The following IFNB1 variants were observed in gnomAD, a reference collection of about 807,000 sequenced individuals.
The protein encoded by IFNB1 is interferon beta 1, also known as interferon beta.
For synonymous variants in IFNB1, 99 were observed against 80.4 expected, an observed-to-expected ratio of 1.23 and a Z score of -1.24; for missense variants, 267 against 210.5, an observed-to-expected ratio of 1.27 and a Z score of -1.66.
Position 21,077,715 on chromosome 9 carries a change from C to G in IFNB1, c.155G>C (p.Cys52Ser). 6.2e-7 allele frequency: 1 copy of G among 1,613,946 alleles called. No homozygotes were observed. The highest frequency in any genetic ancestry group is 1.1e-5 in the South Asian group (1 of 91,082). The change falls in exon 1 of 1, where the codon TGC becomes TCC. Residue 52 changes from cysteine (C) to serine (S), a missense_variant. Coordinates refer to ENST00000380232, the MANE Select transcript of IFNB1 (RefSeq NM_002176.4). ...LWQLNGRLEYCLKDRMNFDIP... is the reference protein window; with the variant it reads ...LWQLNGRLEYSLKDRMNFDIP... ...GTCAAAGTTCATCCTGTCCTTGAGG[C>G]AGTATTCAAGCCTCCCATTCAATTG... is the stretch of plus-strand genomic sequence containing the variant.
rs1400833904 is a variant in IFNB1 at position 21,077,298 on chromosome 9, G to A, written c.*8C>T. 1 of 1,592,386 alleles carries A rather than the reference G, an allele frequency of 6.3e-7. No homozygotes were observed. Among genetic ancestry groups the A allele is most frequent in the Non-Finnish European group, 8.6e-7 (1 of 1,164,304 alleles). On this transcript the variant is annotated 3_prime_UTR_variant, in exon 1 of 1. Coordinates refer to ENST00000380232, the MANE Select transcript of IFNB1 (RefSeq NM_002176.4). ...TGTCCAGTCCCAGAGGCACAGGCTAGGAGATCTTCAGTTTCGGAGGTAACC... is the reference window on the plus strand; with the variant it reads ...TGTCCAGTCCCAGAGGCACAGGCTAAGAGATCTTCAGTTTCGGAGGTAACC...
Position 21,077,465 on chromosome 9 carries a change from T to A in IFNB1, c.405A>T (p.Gly135=). The A allele has an allele frequency of 6.2e-7, 1 of 1,614,028 alleles. No individual in the cohort carries two copies. Among genetic ancestry groups the A allele is most frequent in the Non-Finnish European group, 8.5e-7 (1 of 1,179,910 alleles). Residue 135 remains glycine, a synonymous_variant, in exon 1 of 1, where the codon GGA becomes GGT. Coordinates refer to ENST00000380232, the MANE Select transcript of IFNB1 (RefSeq NM_002176.4). ...TCAGGTGCAGACTGCTCATGAGTTT[T>A]CCCCTGGTGAAATCTTCTTTCTCCA... ...EKLEKEDFTR[G]KLMSSLHLKR... is the part of the protein sequence containing the mutation.
Position 21,077,784 on chromosome 9 carries a change from A to C in IFNB1, c.86T>G (p.Phe29Cys). 6.2e-7 allele frequency: 1 copy of C among 1,613,858 alleles called. No individual in the cohort carries two copies. Among genetic ancestry groups the C allele is most frequent in the Non-Finnish European group, 8.5e-7 (1 of 1,179,858 alleles). ...CTGAAAATTGCTGCTTCTTTGTAGG[A>C]ATCCAAGCAAGTTGTAGCTCATGGA... ...ALSMSYNLLG[F>C]LQRSSNFQCQ... The change falls in exon 1 of 1, where the codon TTC becomes TGC. Residue 29 changes from phenylalanine to cysteine, a missense_variant. Physicochemically the swap from Phe to Cys is radical, Grantham distance 205. Transcript: ENST00000380232.
chr9:21,077,693 A>C lies in IFNB1; in HGVS notation c.177T>G (p.Phe59Leu). The change falls in exon 1 of 1, where the codon TTT (phenylalanine) becomes TTG (leucine). Residue 59 changes from phenylalanine to leucine, a missense_variant. Transcript: ENST00000380232. ...LEYCLKDRMN[F>L]DIPEEIKQLQ... ...GCTGCTTAATCTCCTCAGGGATGTC[A>C]AAGTTCATCCTGTCCTTGAGGCAGT... is the stretch of plus-strand genomic sequence containing the variant. 6.2e-7 allele frequency: 1 copy of C among 1,613,956 alleles called. No individual in the cohort carries two copies. The highest frequency in any genetic ancestry group is 8.5e-7 in the Non-Finnish European group (1 of 1,179,888).
In IFNB1 at chr9:21,077,604, G is replaced by A. The variant is rs1175938027; in HGVS notation, c.266C>T (p.Ala89Val). 1.9e-6 allele frequency: 3 copies of A among 1,613,980 alleles called. No homozygotes were observed. The highest frequency in any genetic ancestry group is 2.5e-6 in the Non-Finnish European group (3 of 1,179,904). The change falls in exon 1 of 1, where the codon GCT (alanine) becomes GTT (valine). Residue 89 changes from alanine (A) to valine (V), a missense_variant. Transcript: ENST00000380232. ...TIYEMLQNIF[A>V]IFRQDSSSTG... ...GCTAGATGAATCTTGTCTGAAAATA[G>A]CAAAGATGTTCTGGAGCATCTCATA...
At position 21,077,455 on chromosome 9, in the gene IFNB1, T is replaced by A; in HGVS notation, c.415A>T (p.Ser139Cys). ...TAATATCTTTTCAGGTGCAGACTGCTCATGAGTTTTCCCCTGGTGAAATCT... is the reference window on the plus strand; with the variant it reads ...TAATATCTTTTCAGGTGCAGACTGCACATGAGTTTTCCCCTGGTGAAATCT... ...KEDFTRGKLM[S>C]SLHLKRYYGR... The change falls in exon 1 of 1, where the codon AGC becomes TGC. Residue 139 changes from serine (S) to cysteine (C), a missense_variant. By Grantham distance (112) the Ser-to-Cys change is moderately radical. Coordinates refer to ENST00000380232, the MANE Select transcript of IFNB1 (RefSeq NM_002176.4). 1.2e-6 allele frequency: 2 copies of A among 1,613,964 alleles called. No homozygotes were observed. The highest frequency in any genetic ancestry group is 1.7e-6 in the Non-Finnish European group (2 of 1,179,864).
In IFNB1 at chr9:21,077,566, C is replaced by T. The variant is rs769406949; in HGVS notation, c.304G>A (p.Glu102Lys). ...GCCAGGAGGTTCTCAACAATAGTCT[C>T]ATTCCAGCCAGTGCTAGATGAATCT... Reference protein sequence around the residue: ...RQDSSSTGWNETIVENLLANV... With the variant: ...RQDSSSTGWNKTIVENLLANV... The change falls in exon 1 of 1, where the codon GAG (glutamate) becomes AAG (lysine). Residue 102 changes from glutamate (E) to lysine (K), a missense_variant. Physicochemically the swap from Glu to Lys is moderately conservative, Grantham distance 56 (BLOSUM62 1). Coordinates refer to ENST00000380232, the MANE Select transcript of IFNB1 (RefSeq NM_002176.4). 37 of 1,613,902 alleles carry T rather than the reference C, an allele frequency of 2.3e-5. No individual in the cohort carries two copies. Among genetic ancestry groups the T allele is most frequent in the Admixed American group, 6.7e-5 (4 of 59,976 alleles).
Position 21,077,411 on chromosome 9 carries a change from G to A in IFNB1, c.459C>T (p.Tyr153=), listed in dbSNP as rs774953155. 1.9e-6 allele frequency: 3 copies of A among 1,613,408 alleles called. No individual in the cohort carries two copies. Among genetic ancestry groups the A allele is most frequent in the Admixed American group, 1.7e-5 (1 of 59,974 alleles). ...LKRYYGRILH[Y]LKAKEYSHCA... Reference sequence around the variant, plus strand: ...AGTGACTGTACTCCTTGGCCTTCAGGTAATGCAGAATCCTCCCATAATATC... The same window carrying A: ...AGTGACTGTACTCCTTGGCCTTCAGATAATGCAGAATCCTCCCATAATATC... Residue 153 remains tyrosine, a synonymous_variant, in exon 1 of 1, where the codon TAC becomes TAT. Transcript: ENST00000380232.
chr9:21,077,650 CCTT>C lies in IFNB1; in HGVS notation c.217_219del (p.Lys73del). 6.2e-7 allele frequency: 1 copy of C among 1,613,960 alleles called. No homozygotes were observed. The highest frequency in any genetic ancestry group is 1.1e-5 in the South Asian group (1 of 91,064). On this transcript the variant is annotated inframe_deletion, in exon 1 of 1. Coordinates refer to ENST00000380232, the MANE Select transcript of IFNB1 (RefSeq NM_002176.4). ...TCATAGATGGTCAATGCGGCGTCCT[CCTT>C]CTGGAACTGCTGCAGCTGCTTAATC... is the stretch of plus-strand genomic sequence containing the variant.
At chr9:21,077,571 C>T in the IFNB1 span, 1 of 1,613,958 alleles carries the variant, frequency 6.2e-7, no homozygotes, top group Non-Finnish European at 8.5e-7. Context: ...AGTCTCATTC[C>T]AGCCAGTGCT....
rs765105483 is a variant in IFNB1 at position 21,077,898 on chromosome 9, A to C, written c.-29T>G. The stretch of plus-strand genomic sequence containing the variant: ...GACAACACGAACAGTGTCGCCTACT[A>C]CCTGTTGTGCCAGAGCAAAGGCTTC... On this transcript the variant is annotated 5_prime_UTR_variant, in exon 1 of 1. Transcript: ENST00000380232. The C allele has an allele frequency of 1.3e-6, 2 of 1,560,172 alleles. No individual in the cohort carries two copies. The highest frequency in any genetic ancestry group is 2.3e-5 in the South Asian group (2 of 85,898).
chr9:21,077,424 C>G lies in IFNB1; in HGVS notation c.446G>C (p.Arg149Thr). The G allele has an allele frequency of 6.2e-7, 1 of 1,613,610 alleles. No homozygotes were observed. Among genetic ancestry groups the G allele is most frequent in the Non-Finnish European group, 8.5e-7 (1 of 1,179,580 alleles). ...CTTGGCCTTCAGGTAATGCAGAATC[C>G]TCCCATAATATCTTTTCAGGTGCAG... ...SSLHLKRYYG[R>T]ILHYLKAKEY... Residue 149 changes from arginine (R) to threonine (T), a missense_variant, in exon 1 of 1, where the codon AGG becomes ACG. Arg to Thr is a moderately conservative substitution (Grantham distance 71). Coordinates refer to ENST00000380232, the MANE Select transcript of IFNB1 (RefSeq NM_002176.4).
In IFNB1 at chr9:21,077,379, C is replaced by A. The variant is rs776199868; in HGVS notation, c.491G>T (p.Trp164Leu). 6.2e-7 allele frequency: 1 copy of A among 1,613,658 alleles called. No individual in the cohort carries two copies. Among genetic ancestry groups the A allele is most frequent in the Admixed American group, 1.7e-5 (1 of 59,988 alleles). The stretch of plus-strand genomic sequence containing the variant: ...TAGGATTTCCACTCTGACTATGGTC[C>A]AGGCACAGTGACTGTACTCCTTGGC... ...LKAKEYSHCA[W>L]TIVRVEILRN... Residue 164 changes from tryptophan to leucine, a missense_variant, in exon 1 of 1, where the codon TGG becomes TTG. Coordinates refer to ENST00000380232, the MANE Select transcript of IFNB1 (RefSeq NM_002176.4).
chr9:21,077,381 G>A lies in IFNB1; in HGVS notation c.489C>T (p.Ala163=). 6.2e-7 allele frequency: 1 copy of A among 1,613,706 alleles called. No individual in the cohort carries two copies. Among genetic ancestry groups the A allele is most frequent in the Non-Finnish European group, 8.5e-7 (1 of 1,179,704 alleles). ...GGATTTCCACTCTGACTATGGTCCA[G>A]GCACAGTGACTGTACTCCTTGGCCT... ...YLKAKEYSHC[A]WTIVRVEILR... The change falls in exon 1 of 1, where the codon GCC becomes GCT. Residue 163 remains alanine (A), a synonymous_variant. Transcript: ENST00000380232.
rs771382672 is a variant in IFNB1, at chr9:21,077,666, C to T, written c.204G>A (p.Leu68=). The T allele has an allele frequency of 6.2e-7, 1 of 1,613,966 alleles. No individual in the cohort carries two copies. Among genetic ancestry groups the T allele is most frequent in the Non-Finnish European group, 8.5e-7 (1 of 1,179,896 alleles). The change falls in exon 1 of 1, where the codon CTG becomes CTA. Residue 68 remains leucine, a synonymous_variant. Coordinates refer to ENST00000380232, the MANE Select transcript of IFNB1 (RefSeq NM_002176.4). Reference sequence around the variant, plus strand: ...CGGCGTCCTCCTTCTGGAACTGCTGCAGCTGCTTAATCTCCTCAGGGATGT... The same window carrying T: ...CGGCGTCCTCCTTCTGGAACTGCTGTAGCTGCTTAATCTCCTCAGGGATGT... ...NFDIPEEIKQ[L]QQFQKEDAAL...
In IFNB1 at chr9:21,077,477, A is replaced by T. The variant is rs1401595346; in HGVS notation, c.393T>A (p.Asp131Glu). ...TVLEEKLEKEDFTRGKLMSSL... is the reference protein window; with the variant it reads ...TVLEEKLEKEEFTRGKLMSSL... ...TGCTCATGAGTTTTCCCCTGGTGAA[A>T]TCTTCTTTCTCCAGTTTTTCTTCCA... The change falls in exon 1 of 1, where the codon GAT (aspartate) becomes GAA (glutamate). Residue 131 changes from aspartate to glutamate, a missense_variant. Physicochemically the swap from Asp to Glu is conservative, Grantham distance 45. Transcript: ENST00000380232. 6.2e-7 allele frequency: 1 copy of T among 1,613,842 alleles called. No homozygotes were observed. Among genetic ancestry groups the T allele is most frequent in the African/African-American group, 1.3e-5 (1 of 74,884 alleles).
chr9:21,077,244 T>A lies in IFNB1; in HGVS notation c.*62A>T, dbSNP rs1203772360. On this transcript the variant is annotated 3_prime_UTR_variant, in exon 1 of 1. Coordinates refer to ENST00000380232, the MANE Select transcript of IFNB1 (RefSeq NM_002176.4). ...TTAGCCATCAGTCACTTAAACAGCATCTGCTGGTTGAAGAATGCTTGAAGC... is the reference window on the plus strand; with the variant it reads ...TTAGCCATCAGTCACTTAAACAGCAACTGCTGGTTGAAGAATGCTTGAAGC... 6.3e-6 allele frequency: 7 copies of A among 1,110,770 alleles called. No homozygotes were observed. The highest frequency in any genetic ancestry group is 4.7e-5 in the East Asian group (2 of 42,490). 68.8% of individuals were successfully genotyped at this position (1,110,770 alleles called of 1,614,324 possible). A position where few individuals can be genotyped will look rare whatever the true frequency, so the allele number is the denominator to read the frequency against.
chr9:21,077,768 G>C lies in IFNB1; in HGVS notation c.102C>G (p.Ser34Arg), dbSNP rs139262191. 772 of 1,613,790 alleles carry C rather than the reference G, an allele frequency of 4.8e-4. 3 individuals carry two copies. The highest frequency in any genetic ancestry group is 4.2e-3 in the South Asian group (385 of 91,066). The change falls in exon 1 of 1, where the codon AGC (serine) becomes AGG (arginine). Residue 34 changes from serine (S) to arginine (R), a missense_variant. By Grantham distance (110) the Ser-to-Arg change is moderately radical (BLOSUM62 -1). Coordinates refer to ENST00000380232, the MANE Select transcript of IFNB1 (RefSeq NM_002176.4). Reference sequence around the variant, plus strand: ...ACAGGAGCTTCTGACACTGAAAATTGCTGCTTCTTTGTAGGAATCCAAGCA... The same window carrying C: ...ACAGGAGCTTCTGACACTGAAAATTCCTGCTTCTTTGTAGGAATCCAAGCA... ...YNLLGFLQRS[S>R]NFQCQKLLWQ...
At position 21,077,877 on chromosome 9, in the gene IFNB1, A is replaced by T; in HGVS notation, c.-8T>A. The T allele has an allele frequency of 6.2e-7, 1 of 1,606,314 alleles. No homozygotes were observed. The highest frequency in any genetic ancestry group is 8.5e-7 in the Non-Finnish European group (1 of 1,176,056). On this transcript the variant is annotated 5_prime_UTR_variant, in exon 1 of 1. In the 5' UTR this introduces an upstream ATG that the reference lacks. Transcript: ENST00000380232. ...GAGACACTTGTTGGTCATGTTGACAACACGAACAGTGTCGCCTACTACCTG... is the reference window on the plus strand; with the variant it reads ...GAGACACTTGTTGGTCATGTTGACATCACGAACAGTGTCGCCTACTACCTG...
Sources: gnomAD v4.1 joint callset for allele counts on GRCh38, gnomAD v4.1.1 for gene constraint, MANE v1.5 for transcripts, NCBI Gene and HGNC (gene_info 2026-07-23, HGNC 2026-07-21) for gene names.